Variants in SLC16A7 observed in about 807,000 individuals in gnomAD.
SLC16A7 encodes the protein monocarboxylate transporter 2.
A neutral mutation model predicts 34.9 loss-of-function variants in SLC16A7; 33 were observed. That is an observed-to-expected ratio of 0.94 (90% CI 0.72 to 1.26). SLC16A7 has a LOEUF of 1.26. Ranked by LOEUF, SLC16A7 falls within the 50% of genes most tolerant of loss-of-function variation. SLC16A7 has a pLI of 0.00. For missense variants in SLC16A7, 573 were observed against 578.1 expected (o/e 0.99, Z 0.09); for synonymous variants, 201 against 206.6 (o/e 0.97, Z 0.23).
chr12:59,777,184 C>T (rs141680871), intron 5 of SLC16A7, among the ~76,000 whole-genome samples: 73 of 152,230 alleles, frequency 4.8e-4, no homozygotes, highest in Non-Finnish European at 9.1e-4. Flanking sequence ...GTTAACATTG[C>T]CAAACCATGT....
intron 3 of SLC16A7, among the ~76,000 whole-genome samples, chr12:59,755,041 T>C (rs1468852034): frequency 6.6e-6 from 1 of 152,206 alleles, no homozygotes; most frequent in Non-Finnish European, 1.5e-5. Context: ...GAAAAGGCCT[T>C]TGACAAAATT....
At chr12:59,656,897 G>A (rs1044435211) in intron 2 of SLC16A7, among the ~76,000 whole-genome samples, 5 of 151,922 alleles carry the variant, frequency 3.3e-5, no homozygotes, top group African/African-American at 1.2e-4. Context: ...ACAGAATATG[G>A]ATCTTGGAGT....
chr12:59,736,968 C>G (rs1877675965), intron 3 of SLC16A7, among the ~76,000 whole-genome samples: 1 of 152,178 alleles, frequency 6.6e-6, no homozygotes, highest in African/African-American at 2.4e-5. Context: ...TTTGCTTATC[C>G]TAAGCAAGCC....
intron 2 of SLC16A7, among the ~76,000 whole-genome samples, chr12:59,673,851 G>T (rs958486140): frequency 7.2e-5 from 11 of 152,004 alleles, no homozygotes; most frequent in Non-Finnish European, 1.6e-4. Context: ...GTTCTCCAAG[G>T]ATATCATCAT....
At chr12:59,753,169 C>T (rs566700206) in intron 3 of SLC16A7, among the ~76,000 whole-genome samples, 3 of 152,268 alleles carry the variant, frequency 2.0e-5, no homozygotes, top group Admixed American at 1.3e-4. Context: ...TTGTAAAGTC[C>T]ATCGAGGCTA....
chr12:59,756,004 G>A (rs1247892979), intron 3 of SLC16A7, among the ~76,000 whole-genome samples: 1 of 152,160 alleles, frequency 6.6e-6, no homozygotes. Flanking sequence ...CAAGCAATGG[G>A]GAAAGGATTC....
At chr12:59,709,617 A>C (rs542536217) in intron 3 of SLC16A7, among the ~76,000 whole-genome samples, 1 of 151,624 alleles carries the variant, frequency 6.6e-6, no homozygotes, top group Non-Finnish European at 1.5e-5. Context: ...CCTGTGTTTG[A>C]GATAGGTAGA....
chr12:59,690,282 GAGCACTGTTC>G (rs1209433369), intron 2 of SLC16A7, among the ~76,000 whole-genome samples: 2 of 151,930 alleles, frequency 1.3e-5, no homozygotes, highest in African/African-American at 4.8e-5. Context: ...TTCAGGAGGG[GAGCACTGTTC>G]AGCACTGTTC....
At chr12:59,630,266 C>A (rs576729949) in intron 1 of SLC16A7, among the ~76,000 whole-genome samples, 2 of 151,926 alleles carry the variant, frequency 1.3e-5, no homozygotes, top group East Asian at 3.9e-4. Flanking sequence ...TATATTGGTT[C>A]ACTTGTGGAA....
rs1166064909 is a variant in SLC16A7 at position 59,785,801 on chromosome 12, TTAAA to T, written c.*6125_*6128del. On this transcript the variant is annotated 3_prime_UTR_variant, in exon 6 of 6. Coordinates refer to ENST00000547379, the MANE Select transcript of SLC16A7 (RefSeq NM_001270623.2). ...ACAGGATTTTTTGTTTCTTTTTAAT[TTAAA>T]TATGGCAAAATAAGCTAGAGAATCT... The T allele has an allele frequency of 1.3e-5, 2 of 152,070 alleles. No individual in the cohort carries two copies. Among genetic ancestry groups the T allele is most frequent in the African/African-American group, 2.4e-5 (1 of 41,398 alleles). The allele number at this position is 152,070 out of a possible 1,614,324, so 9.4% of individuals were successfully genotyped here.
chr12:59,683,444 T>C (rs1186898590), intron 2 of SLC16A7, among the ~76,000 whole-genome samples: 1 of 152,064 alleles, frequency 6.6e-6, no homozygotes, highest in Non-Finnish European at 1.5e-5. Context: ...AAGTTGTCCA[T>C]GTGTGAGGTG....
At chr12:59,771,680 C>T (rs1207147478) in intron 4 of SLC16A7, among the ~76,000 whole-genome samples, 1 of 152,058 alleles carries the variant, frequency 6.6e-6, no homozygotes. Context: ...TGGACACAGA[C>T]TTTCTGATGT....
intron 2 of SLC16A7, among the ~76,000 whole-genome samples, chr12:59,684,685 A>T (rs1451605684): frequency 1.3e-5 from 2 of 152,194 alleles, no homozygotes; most frequent in Non-Finnish European, 2.9e-5. Context: ...TCAGGCAGGG[A>T]AATCTCTAGT....
intron 1 of SLC16A7, among the ~76,000 whole-genome samples, chr12:59,609,760 T>G (rs1415867036): frequency 6.6e-6 from 1 of 152,218 alleles, no homozygotes. Context: ...TGCTCAGTTA[T>G]GCATTCAGAT....
chr12:59,685,073 T>C lies in SLC16A7; in HGVS notation c.-30-19699T>C, dbSNP rs1871049332. On this transcript the variant is annotated intron_variant, in intron 2 of 5. Transcript: ENST00000547379. ...GGTATGGGGAAAAGAAAAAGAGAAG[T>C]TTTTCTTTTCTCTGTGTTTAGGATG... 2.6e-5 allele frequency among the ~76,000 whole-genome samples: 4 copies of C among 152,100 alleles called. No homozygotes were observed. In the South Asian group the frequency reaches 8.3e-4, roughly 32 times the overall value.
chr12:59,740,940 A>G (rs1436457740), intron 3 of SLC16A7, among the ~76,000 whole-genome samples: 4 of 152,212 alleles, frequency 2.6e-5, no homozygotes, highest in African/African-American at 9.6e-5. Context: ...GAGCCAAATC[A>G]TGTGTGAACT....
At chr12:59,609,508 C>T (rs1437639956) in intron 1 of SLC16A7, among the ~76,000 whole-genome samples, 3 of 125,646 alleles carry the variant, frequency 2.4e-5, no homozygotes, top group East Asian at 2.2e-4. Flanking sequence ...AGATGTGGGT[C>T]GGGGGGCATA....
intron 2 of SLC16A7, among the ~76,000 whole-genome samples, chr12:59,657,855 G>A (rs780796586): frequency 6.6e-6 from 1 of 151,930 alleles, no homozygotes; most frequent in Admixed American, 6.6e-5. Context: ...AGTTAGGCAG[G>A]GAGGTAAGAC....
At chr12:59,716,361 A>G (rs911500897) in intron 3 of SLC16A7, among the ~76,000 whole-genome samples, 1 of 151,862 alleles carries the variant, frequency 6.6e-6, no homozygotes, top group Non-Finnish European at 1.5e-5. Flanking sequence ...TCTACGTCAG[A>G]TTCATCTCTT....
Sources: gnomAD v4.1 joint callset for allele counts (sites outside exome capture counted in the v4.1 genomes callset) on GRCh38, gnomAD v4.1.1 for gene constraint, MANE v1.5 for transcripts, NCBI Gene and HGNC (gene_info 2026-07-23, HGNC 2026-07-21) for gene names.